Variants in MFSD11 observed in about 807,000 individuals in gnomAD.
MFSD11 encodes the protein major facilitator superfamily domain containing 11.
Under a neutral mutation model 53.5 loss-of-function variants are expected in MFSD11, and 36 were observed. The observed-to-expected ratio is 0.67, with a 90% CI of 0.52 to 0.89. The LOEUF (loss-of-function observed/expected upper bound fraction) is 0.89. Among genes scored for constraint, MFSD11 ranks in the 40% least tolerant of loss-of-function variants. MFSD11 has a pLI of 0.00. For missense variants in MFSD11, 530 were observed against 543.9 expected, an observed-to-expected ratio of 0.97 and a Z score of 0.25; for synonymous variants, 186 against 184.9, an observed-to-expected ratio of 1.01 and a Z score of -0.05.
intron 8 of MFSD11, among the ~76,000 whole-genome samples, chr17:76,765,705 T>G (rs1255873921): frequency 4.6e-5 from 7 of 152,086 alleles, no homozygotes; most frequent in Non-Finnish European, 1.5e-5. Flanking sequence ...TTCTCCCAAG[T>G]CAGCCTCCCA....
chr17:76,789,573 G>C, the MFSD11 span, among the ~76,000 whole-genome samples: 2 of 149,914 alleles, frequency 1.3e-5, no homozygotes, highest in African/African-American at 4.9e-5. Flanking sequence ...TCTATCTACT[G>C]GGAGACTGCA....
chr17:76,759,187 G>A (rs1398993462), intron 8 of MFSD11, among the ~76,000 whole-genome samples: 1 of 152,172 alleles, frequency 6.6e-6, no homozygotes, highest in Non-Finnish European at 1.5e-5. Context: ...CTGGGAGATT[G>A]AGGCTGCAGA....
At chr17:76,792,025 G>T in the MFSD11 span, among the ~76,000 whole-genome samples, 6 of 148,672 alleles carry the variant, frequency 4.0e-5, no homozygotes, top group African/African-American at 1.5e-4. Flanking sequence ...ATTTCATACA[G>T]TGCCATGGTG....
intron 8 of MFSD11, 98 bp downstream of exon 8, chr17:76,754,185 C>A: frequency 1.1e-6 from 1 of 916,044 alleles, no homozygotes; most frequent in Non-Finnish European, 1.7e-6. Context: ...GATGACACCC[C>A]AGGGTTTGCA....
At chr17:76,737,239 A>G, upstream of MFSD11, 1 of 1,457,406 alleles carries the variant, frequency 6.9e-7, no homozygotes, top group Non-Finnish European at 9.1e-7. Flanking sequence ...CGCGCCTCTC[A>G]GGCAGTTGCC....
At chr17:76,782,761 AGCCCACCAC>A (rs1349059461), downstream of MFSD11, among the ~76,000 whole-genome samples, 1 of 151,634 alleles carries the variant, frequency 6.6e-6, no homozygotes, top group Non-Finnish European at 1.5e-5. Flanking sequence ...TACAGGCTTG[AGCCCACCAC>A]GCGGGGCTGC....
At chr17:76,772,000 G>C (rs13380809) in intron 10 of MFSD11, among the ~76,000 whole-genome samples, 10 of 152,176 alleles carry the variant, frequency 6.6e-5, no homozygotes, top group East Asian at 3.8e-4. Flanking sequence ...TAGCCATGGT[G>C]AGTCAGTGCA....
the MFSD11 span, among the ~76,000 whole-genome samples, chr17:76,801,389 AAAAG>A: frequency 1.3e-5 from 2 of 149,858 alleles, no homozygotes; most frequent in Non-Finnish European, 3.0e-5. Flanking sequence ...AAAAAAAAGG[AAAAG>A]AAAAGAAAAA....
the MFSD11 span, among the ~76,000 whole-genome samples, chr17:76,788,842 A>C: frequency 1.4e-5 from 2 of 145,936 alleles, no homozygotes; most frequent in East Asian, 2.1e-4. Context: ...CTCAATCAAT[A>C]AATCAATCAA....
intron 10 of MFSD11, among the ~76,000 whole-genome samples, chr17:76,772,130 T>A (rs1421697662): frequency 6.6e-6 from 1 of 152,114 alleles, no homozygotes; most frequent in Non-Finnish European, 1.5e-5. Context: ...GATAAGAAAT[T>A]GCGAAAATAG....
chr17:76,767,579 G>T (rs1370392538), intron 9 of MFSD11, 128 bp downstream of exon 9: 48 of 597,558 alleles, frequency 8.0e-5, no homozygotes, highest in Non-Finnish European at 2.9e-6. Context: ...TTCTCATGGT[G>T]TCACTTGGGG....
chr17:76,757,131 TC>T (rs1167950766), intron 8 of MFSD11, among the ~76,000 whole-genome samples: 2 of 152,186 alleles, frequency 1.3e-5, no homozygotes, highest in East Asian at 3.9e-4. Flanking sequence ...CCATCATAGA[TC>T]CCCCTCTGGC....
chr17:76,737,470 A>C (rs2077578752), upstream of MFSD11: 2 of 351,948 alleles, frequency 5.7e-6, no homozygotes, highest in South Asian at 1.4e-4. Flanking sequence ...CCCCTACCCG[A>C]AGCGCCTGCG....
At chr17:76,751,338 T>C (rs1332797902) in intron 7 of MFSD11, among the ~76,000 whole-genome samples, 2 of 149,476 alleles carry the variant, frequency 1.3e-5, no homozygotes, top group African/African-American at 2.5e-5. Context: ...TGCAGTGAGC[T>C]GAGATCGTGC....
At chr17:76,786,978 C>G in the MFSD11 span, among the ~76,000 whole-genome samples, 1 of 151,886 alleles carries the variant, frequency 6.6e-6, no homozygotes, top group Non-Finnish European at 1.5e-5. Context: ...CCATGCCCGG[C>G]TAATTTTTGC....
At chr17:76,750,557 T>C (rs1394485975) in intron 7 of MFSD11, among the ~76,000 whole-genome samples, 2 of 151,698 alleles carry the variant, frequency 1.3e-5, no homozygotes, top group African/African-American at 4.8e-5. Context: ...TGAGTTTCAC[T>C]GTGTTAGCCA....
chr17:76,789,683 C>A, the MFSD11 span, among the ~76,000 whole-genome samples: 2 of 149,900 alleles, frequency 1.3e-5, no homozygotes, highest in African/African-American at 4.9e-5. Flanking sequence ...GATAGGGGCC[C>A]TCTCCTGCCC....
chr17:76,747,769 G>T lies in MFSD11; in HGVS notation c.641+3303G>T, dbSNP rs148017063. Among the ~76,000 whole-genome samples, 53 of 152,270 alleles carry T rather than the reference G, an allele frequency of 3.5e-4. 1 individual carries two copies. In the East Asian group the frequency reaches 9.8e-3, roughly 28 times the overall value. The stretch of plus-strand genomic sequence containing the variant: ...GTGTTGGTCCTAGAGGACAAATGCC[G>T]CCCATCCCTGTTTTTAAGGAACTGC... On this transcript the variant is annotated intron_variant, in intron 7 of 12. Transcript: ENST00000685175.
chr17:76,764,864 T>TA (rs1204107860), intron 8 of MFSD11, among the ~76,000 whole-genome samples: 1 of 152,222 alleles, frequency 6.6e-6, no homozygotes, highest in Non-Finnish European at 1.5e-5. Context: ...ATGTTCGCTG[T>TA]ACCAATTTAC....
Sources: gnomAD v4.1 joint callset for allele counts (sites outside exome capture counted in the v4.1 genomes callset) on GRCh38, gnomAD v4.1.1 for gene constraint, MANE v1.5 for transcripts, NCBI Gene and HGNC (gene_info 2026-07-23, HGNC 2026-07-21) for gene names.